SIGLEC1: variants seen among roughly 807,000 people sequenced by gnomAD.
The protein encoded by SIGLEC1 is sialoadhesin.
SIGLEC1 carries 132 observed loss-of-function variants against 148.0 expected under a neutral mutation model. The observed-to-expected ratio is 0.89, with a 90% confidence interval of 0.77 to 1.03. SIGLEC1 has a LOEUF of 1.03. Among genes scored for constraint, SIGLEC1 ranks in the 50% least tolerant of loss-of-function variants. The pLI, the probability that SIGLEC1 is intolerant of heterozygous loss-of-function variation, is 0.00. For synonymous variants in SIGLEC1, 945 were observed against 969.0 expected, an observed-to-expected ratio of 0.98 and a Z score of 0.46; for missense variants, 2,253 against 2,271.4, an observed-to-expected ratio of 0.99 and a Z score of 0.16.
chr20:3,699,536 G>A, intron 7 of SIGLEC1, 77 bp from the exon 8 acceptor site: 3 of 1,527,798 alleles, frequency 2.0e-6, no homozygotes, highest in Non-Finnish European at 2.6e-6. Context: ...AGCCTTCCAG[G>A]GTTCTCCTTT....
chr20:3,697,175 C>G lies in SIGLEC1; in HGVS notation c.2290G>C (p.Val764Leu). The G allele has an allele frequency of 1.2e-6, 2 of 1,613,838 alleles. No individual in the cohort carries two copies. The highest frequency in any genetic ancestry group is 2.2e-5 in the East Asian group (1 of 44,880). Residue 764 changes from valine (V) to leucine (L), a missense_variant, in exon 10 of 22, where the codon GTG (valine) becomes CTG (leucine). By Grantham distance (32) the Val-to-Leu change is conservative. Coordinates refer to ENST00000344754, the MANE Select transcript of SIGLEC1 (RefSeq NM_023068.4). The part of the protein sequence containing the change: ...GPLETVTLLP[V>L]ARTDAALYAC... The stretch of plus-strand genomic sequence containing the variant: ...TAAAGGGCAGCATCAGTTCTGGCCA[C>G]GGGCAGCAGTGTCACGGTCTCCAGG...
rs1476999848 is a variant in SIGLEC1, at chr20:3,689,716, C to A, written c.4895-14G>T. On this transcript the variant is annotated splice_polypyrimidine_tract_variant and intron_variant, in intron 19 of 21. Coordinates refer to ENST00000344754, the MANE Select transcript of SIGLEC1 (RefSeq NM_023068.4). ...GGCGGTGCAGGGCTGGAACACAGAGCGGGACTCAGAGCAGCCACAGCTGCA... is the reference window on the plus strand; with the variant it reads ...GGCGGTGCAGGGCTGGAACACAGAGAGGGACTCAGAGCAGCCACAGCTGCA... 1.9e-6 allele frequency: 3 copies of A among 1,559,964 alleles called. No individual in the cohort carries two copies. Among genetic ancestry groups the A allele is most frequent in the East Asian group, 2.4e-5 (1 of 42,234 alleles).
intron 11 of SIGLEC1, 102 bp from the exon 12 acceptor site, chr20:3,695,025 T>G (rs2088809203): frequency 4.7e-6 from 6 of 1,279,772 alleles, no homozygotes; most frequent in South Asian, 1.5e-5. Flanking sequence ...CAACCCCATG[T>G]GCTGGAGCCG....
rs138565808 is a variant in SIGLEC1, at chr20:3,701,249, G to A, written c.1528+93C>T. ...GCGTAGCCAGTTAGCTCAGTCCTGC[G>A]GTTGAGTCCACTAGACTTCTAGAAG... On this transcript the variant is annotated intron_variant, in intron 7 of 21. Coordinates refer to ENST00000344754, the MANE Select transcript of SIGLEC1 (RefSeq NM_023068.4). The A allele has an allele frequency of 1.1e-4, 130 of 1,195,664 alleles. 1 individual carries two copies. In the African/African-American group the frequency reaches 1.3e-3, roughly 12 times the overall value. The allele number at this position is 1,195,664 out of a possible 1,614,324, so 74.1% of individuals were successfully genotyped here.
chr20:3,690,073 C>T lies in SIGLEC1; in HGVS notation c.4783G>A (p.Ala1595Thr), dbSNP rs1183071972. The change falls in exon 19 of 22, where the codon GCC (alanine) becomes ACC (threonine). Residue 1595 changes from alanine to threonine, a missense_variant. Coordinates refer to ENST00000344754, the MANE Select transcript of SIGLEC1 (RefSeq NM_023068.4). ...PHIHVLASPN[A>T]LRVDIEALRP... ...AGCGCCTCGATGTCCACCCTCAGGG[C>T]ATTGGGGGAAGCCAGGACATGGATG... 1.2e-6 allele frequency: 2 copies of T among 1,612,118 alleles called. No individual in the cohort carries two copies. The highest frequency in any genetic ancestry group is 1.7e-6 in the Non-Finnish European group (2 of 1,179,500).
At chr20:3,696,491 T>C in intron 11 of SIGLEC1, 95 bp downstream of exon 11, 3 of 1,284,142 alleles carry the variant, frequency 2.3e-6, no homozygotes, top group Non-Finnish European at 3.2e-6. Flanking sequence ...AAAGACATAT[T>C]TCTGCACAAA....
rs1397027919 is a variant in SIGLEC1, at chr20:3,688,563, G to C, written c.5127C>G (p.Gly1709=). ...CETSTCAPPL[G] ...GGAGGGCAGGCAACACCACTGGTCAGCCCAGGGGTGGGGCACAGGTTGAGG... is the reference window on the plus strand; with the variant it reads ...GGAGGGCAGGCAACACCACTGGTCACCCCAGGGGTGGGGCACAGGTTGAGG... Residue 1709 remains glycine, a synonymous_variant, in exon 22 of 22, where the codon GGC becomes GGG. Coordinates refer to ENST00000344754, the MANE Select transcript of SIGLEC1 (RefSeq NM_023068.4). 1 of 1,598,274 alleles carries C rather than the reference G, an allele frequency of 6.3e-7. No individual in the cohort carries two copies. Among genetic ancestry groups the C allele is most frequent in the Non-Finnish European group, 8.5e-7 (1 of 1,171,746 alleles).
At position 3,696,589 on chromosome 20, in the gene SIGLEC1, G is replaced by A. The variant is rs767414647; in HGVS notation, c.2680C>T (p.Arg894Ter). Reference sequence around the variant, plus strand: ...TCTTCAGAAGACTGACACTCACCTCGGACCTGGAAGAAGAGTGAGGTGTTG... The same window carrying A: ...TCTTCAGAAGACTGACACTCACCTCAGACCTGGAAGAAGAGTGAGGTGTTG... ...SSNTSLFFQV[R>*]GAWVQVSPSP... The change falls in exon 11 of 22, where the codon CGA becomes TGA. Residue 894 changes from arginine (R) to a stop codon, truncating the protein, a stop_gained. Coordinates refer to ENST00000344754, the MANE Select transcript of SIGLEC1 (RefSeq NM_023068.4). LOFTEE classifies it high-confidence loss of function. 1.6e-5 allele frequency: 26 copies of A among 1,604,616 alleles called. No homozygotes were observed. Among genetic ancestry groups the A allele is most frequent in the Middle Eastern group, 1.7e-4 (1 of 6,040 alleles).
At position 3,710,529 on chromosome 20, in the gene SIGLEC1, T is replaced by C. The variant is rs1389803613; in HGVS notation, c.-110+1941A>G. ...GCCTCCACACCAGGTTCTTGGCCAC[T>C]GGAGAATGATATAGCTGGGGCCCTG... On this transcript the variant is annotated intron_variant, in intron 1 of 21. Coordinates refer to ENST00000344754, the MANE Select transcript of SIGLEC1 (RefSeq NM_023068.4). The surrounding 1 kb of genome is among the most constrained non-coding windows in gnomAD (Gnocchi z 4.6). Among the ~76,000 whole-genome samples, 1 of 152,168 alleles carries C rather than the reference T, an allele frequency of 6.6e-6. No homozygotes were observed. The highest frequency in any genetic ancestry group is 1.5e-5 in the Non-Finnish European group (1 of 68,020).
chr20:3,708,968 C>T (rs781588651), intron 1 of SIGLEC1, among the ~76,000 whole-genome samples: 1 of 149,184 alleles, frequency 6.7e-6, no homozygotes, highest in African/African-American at 2.5e-5. Flanking sequence ...TCACCTGAAC[C>T]CAGGAGGCGG....
chr20:3,697,722 T>C, intron 9 of SIGLEC1, 76 bp downstream of exon 9: 2 of 1,415,206 alleles, frequency 1.4e-6, no homozygotes, highest in Non-Finnish European at 9.8e-7. Flanking sequence ...TTTTGCCTGA[T>C]TAGATCCTCC....
intron 7 of SIGLEC1, 34 bp downstream of exon 7, chr20:3,701,308 C>A (rs948333502): frequency 3.8e-6 from 6 of 1,561,988 alleles, no homozygotes; most frequent in African/African-American, 1.3e-5. Flanking sequence ...CTCAGGCTCC[C>A]TCCACTCTCC....
At chr20:3,692,491 G>T (rs1246324458) in intron 16 of SIGLEC1, 30 bp downstream of exon 16, 1 of 1,557,204 alleles carries the variant, frequency 6.4e-7, no homozygotes, top group Admixed American at 1.9e-5. Context: ...CCTCCTCCTG[G>T]GCAGCCCTGG....
chr20:3,693,235 A>G (rs2088784212), intron 14 of SIGLEC1, 104 bp from the exon 15 acceptor site: 14 of 1,338,018 alleles, frequency 1.0e-5, no homozygotes, highest in Non-Finnish European at 1.4e-5. Context: ...CCCCACCCCT[A>G]TGGCTCCCAA....
intron 2 of SIGLEC1, 74 bp from the exon 3 acceptor site, chr20:3,706,780 G>T (rs1317096577): frequency 4.1e-6 from 6 of 1,450,082 alleles, no homozygotes; most frequent in Non-Finnish European, 5.5e-6. Context: ...CCTGCGACCT[G>T]CCCCAGAGAA....
At position 3,705,997 on chromosome 20, in the gene SIGLEC1, G is replaced by T. The variant is rs772100214; in HGVS notation, c.453C>A (p.Leu151=). ...VPTIASPVEL[L]EGTEVDFNCS... is the part of the protein sequence containing the mutation. ...AGTTGAAGTCCACCTCTGTGCCCTC[G>T]AGAAGCTCCACCGGGGAGGCAATGG... The change falls in exon 4 of 22, where the codon CTC becomes CTA. Residue 151 remains leucine (L), a synonymous_variant. Transcript: ENST00000344754. The T allele has an allele frequency of 1.2e-6, 2 of 1,613,762 alleles. No homozygotes were observed. The highest frequency in any genetic ancestry group is 1.7e-6 in the Non-Finnish European group (2 of 1,180,018).
intron 3 of SIGLEC1, 65 bp from the exon 4 acceptor site, chr20:3,706,105 A>G (rs2087891849): frequency 1.3e-6 from 2 of 1,534,336 alleles, no homozygotes; most frequent in Non-Finnish European, 1.8e-6. Context: ...TCGCCCTGGA[A>G]ACCCCAGCTG....
chr20:3,688,466 G>A lies in SIGLEC1; in HGVS notation c.*94C>T, dbSNP rs1403723204. 3 of 1,062,256 alleles carry A rather than the reference G, an allele frequency of 2.8e-6. No homozygotes were observed. The highest frequency in any genetic ancestry group is 2.8e-6 in the Non-Finnish European group (2 of 702,340). 65.8% of individuals were successfully genotyped at this position (1,062,256 alleles called of 1,614,324 possible). ...TCACAGAGCTGTTTTCGTAGAGGCGGGCAGGACTCAACACTGCCTCATTCA... is the reference window on the plus strand; with the variant it reads ...TCACAGAGCTGTTTTCGTAGAGGCGAGCAGGACTCAACACTGCCTCATTCA... On this transcript the variant is annotated 3_prime_UTR_variant, in exon 22 of 22. Transcript: ENST00000344754.
chr20:3,700,267 G>A (rs975997828), intron 7 of SIGLEC1, among the ~76,000 whole-genome samples: 7 of 151,238 alleles, frequency 4.6e-5, no homozygotes, highest in African/African-American at 1.5e-4. Flanking sequence ...ACAGGTGTGC[G>A]CCACCACACC....
Sources: allele counts gnomAD v4.1 joint callset (sites outside exome capture counted in the v4.1 genomes callset), GRCh38; gene constraint gnomAD v4.1.1; non-coding constraint Gnocchi (gnomAD v3.1); transcripts MANE v1.5; gene names NCBI Gene and HGNC (gene_info 2026-07-23, HGNC 2026-07-21).